GMPS: variants seen among roughly 807,000 people sequenced by gnomAD.
GMPS encodes the protein GMP synthase [glutamine-hydrolyzing].
Under a neutral mutation model 77.9 loss-of-function variants are expected in GMPS, and 15 were observed. The ratio of observed to expected loss-of-function variants is 0.19; its 90% confidence interval spans 0.13 to 0.30. The LOEUF is 0.30. Among genes scored for constraint, GMPS ranks in the 10% least tolerant of loss-of-function variants. The probability of loss-of-function intolerance (pLI) is 1.00; values close to 1 mark genes in which losing one functional copy is unlikely to be tolerated. For synonymous variants in GMPS, 224 were observed against 275.9 expected (o/e 0.81, Z 1.86); for missense variants, 590 against 838.8 (o/e 0.70, Z 3.66).
At chr3:155,895,487 T>C (rs562601806) in intron 2 of GMPS, 2 of 152,176 alleles carry the variant, frequency 1.3e-5, no homozygotes, top group South Asian at 4.2e-4. Flanking sequence ...ATTTTTTTAT[T>C]TTTAGGAGAG....
intron 8 of GMPS, among the ~76,000 whole-genome samples, chr3:155,914,786 A>G (rs1755131325): frequency 6.6e-6 from 1 of 150,496 alleles, no homozygotes; most frequent in Non-Finnish European, 1.5e-5. Context: ...TTTTTTTGAG[A>G]CAGAGTCTTG....
chr3:155,885,292 CTA>C (rs1442457480), intron 1 of GMPS, among the ~76,000 whole-genome samples: 8 of 152,146 alleles, frequency 5.3e-5, no homozygotes, highest in Non-Finnish European at 8.8e-5. Context: ...CCATAGAATC[CTA>C]TCTGTTGTGT....
intron 1 of GMPS, among the ~76,000 whole-genome samples, chr3:155,884,503 T>G (rs906173221): frequency 1.3e-5 from 2 of 152,178 alleles, no homozygotes; most frequent in African/African-American, 4.8e-5. Context: ...GTATATTGTG[T>G]CAACAAAATA....
intron 3 of GMPS, among the ~76,000 whole-genome samples, chr3:155,901,249 T>C (rs1196359477): frequency 1.3e-5 from 2 of 152,172 alleles, no homozygotes; most frequent in African/African-American, 2.4e-5. Flanking sequence ...ATATATTAGT[T>C]TTGCCGATTG....
At chr3:155,890,775 A>T (rs748430738) in intron 1 of GMPS, among the ~76,000 whole-genome samples, 7 of 152,162 alleles carry the variant, frequency 4.6e-5, no homozygotes, top group African/African-American at 1.4e-4. Context: ...CTGTGGCTGT[A>T]TATCTAGAGG....
At chr3:155,910,983 T>G in intron 6 of GMPS, 98 bp downstream of exon 6, 1 of 1,081,696 alleles carries the variant, frequency 9.2e-7, no homozygotes, top group African/African-American at 1.6e-5. Context: ...GTTCTACAGT[T>G]TTAGAGTGCT....
At chr3:155,878,550 G>T (rs535854448) in intron 1 of GMPS, among the ~76,000 whole-genome samples, 1 of 152,120 alleles carries the variant, frequency 6.6e-6, no homozygotes, top group African/African-American at 2.4e-5. Context: ...GAGTGACTCC[G>T]TTTAACCTTT....
intron 3 of GMPS, among the ~76,000 whole-genome samples, chr3:155,901,544 A>G (rs1462497228): frequency 6.6e-6 from 1 of 151,980 alleles, no homozygotes; most frequent in African/African-American, 2.4e-5. Flanking sequence ...CATAATGTAC[A>G]TTTTCAGCTT....
At chr3:155,930,282 G>T (rs1226752373) in intron 12 of GMPS, among the ~76,000 whole-genome samples, 6 of 148,726 alleles carry the variant, frequency 4.0e-5, no homozygotes, top group African/African-American at 1.5e-4. Context: ...TTTAATAAAC[G>T]GTGCTGGGAA....
intron 1 of GMPS, among the ~76,000 whole-genome samples, chr3:155,874,785 C>A (rs1372322952): frequency 1.3e-5 from 2 of 149,778 alleles, no homozygotes; most frequent in Non-Finnish European, 3.0e-5. Flanking sequence ...GTATTTGATA[C>A]TTTTTTAAGG....
intron 10 of GMPS, among the ~76,000 whole-genome samples, chr3:155,921,673 T>G (rs1165695595): frequency 6.6e-6 from 1 of 152,088 alleles, no homozygotes; most frequent in Admixed American, 6.5e-5. Context: ...GTGCTTGTAA[T>G]CCAAGCTATT....
In GMPS at chr3:155,941,701, C is replaced by G. The variant is rs1755896739; in HGVS notation, c.*4009C>G. On this transcript the variant is annotated 3_prime_UTR_variant, in exon 16 of 16. Transcript: ENST00000496455. ...TGAATACAAGTTGGATGTCTCCACC[C>G]TTGGAAAGCACATCTTTTGTTCTTA... is the stretch of plus-strand genomic sequence containing the variant. The G allele has an allele frequency of 4.5e-6, 1 of 222,774 alleles. No individual in the cohort carries two copies. The highest frequency in any genetic ancestry group is 9.0e-6 in the Non-Finnish European group (1 of 111,536). The allele number at this position is 222,774 out of a possible 1,614,324, so 13.8% of individuals were successfully genotyped here.
chr3:155,870,948 C>T (rs1159168848), intron 1 of GMPS, 51 bp downstream of exon 1: 2 of 1,408,758 alleles, frequency 1.4e-6, no homozygotes, highest in Non-Finnish European at 9.3e-7. Context: ...GCGAGGCTCC[C>T]GGACCGGGGA....
At chr3:155,884,582 T>A (rs12493764) in intron 1 of GMPS, among the ~76,000 whole-genome samples, 8,310 of 152,120 alleles carry the variant, frequency 0.055, 316 homozygotes, top group East Asian at 0.18. Context: ...ATTGGCGTTG[T>A]TTTCAAAGGT....
intron 12 of GMPS, among the ~76,000 whole-genome samples, chr3:155,927,087 A>T (rs1755476101): frequency 6.6e-6 from 1 of 152,176 alleles, no homozygotes; most frequent in African/African-American, 2.4e-5. Flanking sequence ...TGATAGAGCC[A>T]GCTATTGGGT....
At chr3:155,903,638 AG>A (rs780617299) in intron 3 of GMPS, among the ~76,000 whole-genome samples, 4 of 152,248 alleles carry the variant, frequency 2.6e-5, no homozygotes, top group Non-Finnish European at 1.5e-5. Context: ...AATTAACTGC[AG>A]GTCAAATTTT....
chr3:155,926,205 G>T (rs1755450102), intron 12 of GMPS, among the ~76,000 whole-genome samples: 1 of 152,074 alleles, frequency 6.6e-6, no homozygotes, highest in African/African-American at 2.4e-5. Flanking sequence ...TAGAGATAGG[G>T]TCTCCCTGTG....
rs112462557 is a variant in GMPS, at chr3:155,891,550, C to T, written c.28-1968C>T. 8.1e-4 allele frequency among the ~76,000 whole-genome samples: 122 copies of T among 151,376 alleles called. 4 individuals carry two copies. The highest frequency in any genetic ancestry group is 6.5e-3 in the South Asian group (31 of 4,780). ...TGACCTGAGTAATTTCTTCTGGCAC[C>T]GGATTGGCTCCCTCTCACAAATCCT... On this transcript the variant is annotated intron_variant, in intron 1 of 15. Transcript: ENST00000496455.
chr3:155,874,354 G>A (rs1215092485), intron 1 of GMPS, among the ~76,000 whole-genome samples: 1 of 152,224 alleles, frequency 6.6e-6, no homozygotes, highest in East Asian at 1.9e-4. Flanking sequence ...CTCCCTTAGT[G>A]ATTGCATGTG....
Sources: gnomAD v4.1 joint callset for allele counts (sites outside exome capture counted in the v4.1 genomes callset) on GRCh38, gnomAD v4.1.1 for gene constraint, MANE v1.5 for transcripts, NCBI Gene and HGNC (gene_info 2026-07-23, HGNC 2026-07-21) for gene names.